GPC3: variants seen among roughly 807,000 people sequenced by gnomAD.
GPC3 encodes glypican-3.
GPC3 carries 3 observed loss-of-function variants against 34.4 expected under a neutral mutation model. The ratio of observed to expected loss-of-function variants is 0.09; its 90% CI spans 0.04 to 0.23. The LOEUF (loss-of-function observed/expected upper bound fraction) is 0.23, where lower values mean the gene tolerates loss of function less well. Among genes scored for constraint, GPC3 ranks in the 10% least tolerant of loss-of-function variants. The probability of loss-of-function intolerance (pLI) is 1.00; values close to 1 mark genes in which losing one functional copy is unlikely to be tolerated. For missense variants in GPC3, 351 were observed against 445.6 expected, an observed-to-expected ratio of 0.79 and a Z score of 1.91; for synonymous variants, 177 against 174.0, an observed-to-expected ratio of 1.02 and a Z score of -0.13.
chrX:133,704,996 A>C (rs2124441729), intron 3 of GPC3, among the ~76,000 whole-genome samples: 1 of 111,421 alleles, frequency 9.0e-6, no homozygotes. Flanking sequence ...CAAGTGACAA[A>C]AAAATTCAGA....
chrX:133,629,081 T>C (rs771561625), intron 6 of GPC3, among the ~76,000 whole-genome samples: 1 of 112,614 alleles, frequency 8.9e-6, no homozygotes, highest in Non-Finnish European at 1.9e-5. Flanking sequence ...TTACAAATTG[T>C]ATTACCTATG....
chrX:133,919,328 G>A (rs748253474), intron 2 of GPC3, among the ~76,000 whole-genome samples: 1 of 111,484 alleles, frequency 9.0e-6, no homozygotes, highest in Admixed American at 9.5e-5. Flanking sequence ...CCTTCCCTTC[G>A]GTGACATTAA....
rs188746893 is a variant in GPC3 at position 133,755,068 on chromosome X, C to T, written c.338-892G>A. Among the ~76,000 whole-genome samples the T allele has an allele frequency of 3.6e-5, 4 of 111,866 alleles. No individual in the cohort carries two copies. In the East Asian group the frequency reaches 1.1e-3, roughly 32 times the overall value. ...CTCATTTTCTCCAAACTGAAACATC[C>T]CAGACCCAAATTATTTCAAATAATC... On this transcript the variant is annotated intron_variant, in intron 2 of 7. Transcript: ENST00000370818.
chrX:133,638,987 T>C (rs978934054), intron 6 of GPC3, among the ~76,000 whole-genome samples: 1 of 111,602 alleles, frequency 9.0e-6, no homozygotes, highest in Middle Eastern at 4.6e-3. Context: ...TCTAGACTTT[T>C]CCCTCAGGCT....
At chrX:133,885,140 A>G (rs2076056866) in intron 2 of GPC3, among the ~76,000 whole-genome samples, 2 of 111,930 alleles carry the variant, frequency 1.8e-5, no homozygotes, top group Admixed American at 9.5e-5. Flanking sequence ...ATTTGGCTCC[A>G]TATCACCTAT....
At chrX:133,807,791 T>C (rs2075644070) in intron 2 of GPC3, among the ~76,000 whole-genome samples, 1 of 112,647 alleles carries the variant, frequency 8.9e-6, no homozygotes, top group African/African-American at 3.2e-5. Flanking sequence ...CCCTTCATTC[T>C]CTACTGCCGT....
At chrX:133,735,919 C>T (rs2071507475) in intron 3 of GPC3, among the ~76,000 whole-genome samples, 1 of 106,054 alleles carries the variant, frequency 9.4e-6, no homozygotes, top group Admixed American at 1.0e-4. Context: ...GATGTGATCA[C>T]ACCACTGCAT....
At chrX:133,621,818 T>C (rs1360590444) in intron 6 of GPC3, among the ~76,000 whole-genome samples, 1 of 112,139 alleles carries the variant, frequency 8.9e-6, no homozygotes, top group African/African-American at 3.2e-5. Flanking sequence ...CCTCCCAGCA[T>C]GGAGTTTGAG....
chrX:133,791,847 T>TCCTC (rs1172993069), intron 2 of GPC3, among the ~76,000 whole-genome samples: 184 of 63,880 alleles, frequency 2.9e-3, no homozygotes, highest in East Asian at 0.012. Flanking sequence ...CTTCCTTCCT[T>TCCTC]CCTCCCTCCC....
At chrX:133,860,370 GA>G (rs776543835) in intron 2 of GPC3, among the ~76,000 whole-genome samples, 11 of 109,123 alleles carry the variant, frequency 1.0e-4, no homozygotes, top group African/African-American at 3.0e-4. Context: ...GAATCAGGCA[GA>G]AAAAAAAATC....
intron 6 of GPC3, among the ~76,000 whole-genome samples, chrX:133,652,372 C>T (rs1289312686): frequency 9.0e-6 from 1 of 110,992 alleles, no homozygotes; most frequent in East Asian, 2.8e-4. Context: ...AGATATTACT[C>T]TCAGAAGTGA....
At chrX:133,700,799 CT>C (rs1450895175) in intron 3 of GPC3, among the ~76,000 whole-genome samples, 1 of 111,085 alleles carries the variant, frequency 9.0e-6, no homozygotes, top group Middle Eastern at 4.6e-3. Context: ...TCGTTTGAGC[CT>C]GGGAGGTCAC....
chrX:133,826,636 T>C (rs1301507444), intron 2 of GPC3, among the ~76,000 whole-genome samples: 1 of 111,126 alleles, frequency 9.0e-6, no homozygotes, highest in Non-Finnish European at 1.9e-5. Context: ...GAAGAAATAA[T>C]GGCCAAAAAC....
At chrX:133,822,463 A>C (rs1211729197) in intron 2 of GPC3, among the ~76,000 whole-genome samples, 2 of 112,208 alleles carry the variant, frequency 1.8e-5, no homozygotes, top group Non-Finnish European at 3.8e-5. Flanking sequence ...ATCTATGGTA[A>C]GGACAAATCT....
chrX:133,802,166 T>A (rs2075613139), intron 2 of GPC3, among the ~76,000 whole-genome samples: 1 of 111,762 alleles, frequency 8.9e-6, no homozygotes, highest in African/African-American at 3.3e-5. Context: ...GATACAAGCA[T>A]CATTTCATGG....
intron 6 of GPC3, among the ~76,000 whole-genome samples, chrX:133,658,327 T>C (rs1459498509): frequency 8.9e-6 from 1 of 112,335 alleles, no homozygotes; most frequent in African/African-American, 3.2e-5. Context: ...TGAGATAAGG[T>C]TTAAGAGTAA....
intron 6 of GPC3, among the ~76,000 whole-genome samples, chrX:133,623,625 T>A (rs763316490): frequency 8.9e-6 from 1 of 111,956 alleles, no homozygotes; most frequent in African/African-American, 3.2e-5. Context: ...TAAATATATA[T>A]GCACTCAATA....
intron 3 of GPC3, among the ~76,000 whole-genome samples, chrX:133,706,950 A>C (rs2071224492): frequency 8.9e-6 from 1 of 112,065 alleles, no homozygotes; most frequent in South Asian, 3.8e-4. Flanking sequence ...CATGCTATCA[A>C]CTCAGGTGCT....
chrX:133,750,842 G>A (rs1357275569), intron 3 of GPC3, among the ~76,000 whole-genome samples: 1 of 110,294 alleles, frequency 9.1e-6, no homozygotes, highest in African/African-American at 3.3e-5. Flanking sequence ...GGGCGGCCTA[G>A]GTGGGTGGAT....
Sources: gnomAD v4.1 joint callset for allele counts (sites outside exome capture counted in the v4.1 genomes callset) on GRCh38, gnomAD v4.1.1 for gene constraint, MANE v1.5 for transcripts, NCBI Gene and HGNC (gene_info 2026-07-23, HGNC 2026-07-21) for gene names.